The following CDK6 variants were observed in gnomAD, a reference collection of about 807,000 sequenced individuals.
CDK6 encodes cyclin-dependent kinase 6.
A neutral mutation model predicts 37.1 loss-of-function variants in CDK6; 6 were observed. The observed-to-expected ratio is 0.16, with a 90% CI of 0.09 to 0.32. CDK6 has a LOEUF of 0.32. CDK6 is among the 10% of genes least tolerant of loss of function. The pLI, the probability that CDK6 is intolerant of heterozygous loss-of-function variation, is 1.00. For missense variants in CDK6, 224 were observed against 418.9 expected (o/e 0.53, Z 4.06); for synonymous variants, 160 against 161.3 (o/e 0.99, Z 0.06).
chr7:92,619,568 T>G (rs1585340928), intron 6 of CDK6, among the ~76,000 whole-genome samples: 1 of 151,726 alleles, frequency 6.6e-6, no homozygotes, highest in East Asian at 2.0e-4. Context: ...GGAAGAGGTG[T>G]TCTTATGAAT....
rs913195772 is a variant in CDK6 at position 92,610,778 on chromosome 7, A to C, written c.*4362T>G. The C allele has an allele frequency of 4.4e-6, 1 of 227,982 alleles. No homozygotes were observed. Among genetic ancestry groups the C allele is most frequent in the African/African-American group, 2.2e-5 (1 of 45,102 alleles). 14.1% of individuals were successfully genotyped at this position (227,982 alleles called of 1,614,324 possible). A position where few individuals can be genotyped will look rare whatever the true frequency, so the allele number is the denominator to read the frequency against. On this transcript the variant is annotated 3_prime_UTR_variant, in exon 8 of 8. Coordinates refer to ENST00000424848, the MANE Select transcript of CDK6 (RefSeq NM_001145306.2). ...TAAATATCTTCCTAATTATATACCCAAATATACTTAATGGACATGATAAAT... is the reference window on the plus strand; with the variant it reads ...TAAATATCTTCCTAATTATATACCCCAATATACTTAATGGACATGATAAAT...
In CDK6 at chr7:92,742,742, T is replaced by TATAC. The variant is rs138716303; in HGVS notation, c.370-16950_370-16949insGTAT. Reference sequence around the variant, plus strand: ...TGTATAAAATGTATACATATATATATACACACACACACACACACCCCTTTT... The same window carrying TATAC: ...TGTATAAAATGTATACATATATATATATACACACACACACACACACACCCCTTTT... On this transcript the variant is annotated intron_variant, in intron 3 of 7. Transcript: ENST00000424848. Among the ~76,000 whole-genome samples the TATAC allele has an allele frequency of 2.1e-4, 32 of 150,574 alleles. No homozygotes were observed. The South Asian group carries it at 4.2e-3, about 20-fold the overall frequency.
intron 5 of CDK6, among the ~76,000 whole-genome samples, chr7:92,651,183 C>T (rs998124908): frequency 2.0e-5 from 3 of 152,154 alleles, no homozygotes; most frequent in African/African-American, 7.2e-5. Context: ...AGCCACGGTG[C>T]GAGGCTAGTT....
At chr7:92,724,002 AG>A (rs1798449172) in intron 4 of CDK6, among the ~76,000 whole-genome samples, 1 of 152,158 alleles carries the variant, frequency 6.6e-6, no homozygotes, top group Non-Finnish European at 1.5e-5. Flanking sequence ...TTAAAATAAA[AG>A]CGTCCATCTC....
chr7:92,697,913 C>T (rs1220438524), intron 4 of CDK6, among the ~76,000 whole-genome samples: 5 of 152,200 alleles, frequency 3.3e-5, no homozygotes, highest in African/African-American at 1.2e-4. Context: ...TATGCTATCA[C>T]AAATTTTCAT....
At chr7:92,677,105 C>G (rs149791706) in intron 4 of CDK6, among the ~76,000 whole-genome samples, 37 of 152,278 alleles carry the variant, frequency 2.4e-4, no homozygotes, top group Non-Finnish European at 4.0e-4. Flanking sequence ...TTGCTCTAGT[C>G]TGTGTAAATC....
intron 2 of CDK6, among the ~76,000 whole-genome samples, chr7:92,831,688 T>G (rs1801485829): frequency 6.6e-6 from 1 of 152,250 alleles, no homozygotes; most frequent in Admixed American, 6.5e-5. Flanking sequence ...CGAGGTATAA[T>G]GCGGTCTTAA....
At chr7:92,711,552 A>ATTTTTTTTTTTTTTTTTTTTTTTTTTT (rs11285626) in intron 4 of CDK6, among the ~76,000 whole-genome samples, 1 of 56,614 alleles carries the variant, frequency 1.8e-5, no homozygotes, top group African/African-American at 8.2e-5. Context: ...GAATGGTCAA[A>ATTTTTTTTTTTTTTTTTTTTTTTTTTT]TTTTTTTTTT....
At chr7:92,719,043 C>T (rs1025756889) in intron 4 of CDK6, among the ~76,000 whole-genome samples, 2 of 152,130 alleles carry the variant, frequency 1.3e-5, no homozygotes, top group African/African-American at 2.4e-5. Context: ...CACGAGGTTC[C>T]GTTAGTGTTA....
chr7:92,686,081 G>T (rs540920523), intron 4 of CDK6, among the ~76,000 whole-genome samples: 3 of 152,212 alleles, frequency 2.0e-5, no homozygotes, highest in Admixed American at 2.0e-4. Context: ...AATCACAGAA[G>T]TGATCACAGT....
At chr7:92,826,437 C>G (rs999226938) in intron 2 of CDK6, among the ~76,000 whole-genome samples, 3 of 152,038 alleles carry the variant, frequency 2.0e-5, no homozygotes, top group Admixed American at 1.3e-4. Context: ...GAGGTTGGCC[C>G]TGAAGGATAA....
At chr7:92,826,427 G>A (rs1801313411) in intron 2 of CDK6, among the ~76,000 whole-genome samples, 1 of 152,148 alleles carries the variant, frequency 6.6e-6, no homozygotes, top group Non-Finnish European at 1.5e-5. Flanking sequence ...AGTGACATTT[G>A]AGGTTGGCCC....
At chr7:92,628,889 C>T (rs1585348448) in intron 5 of CDK6, among the ~76,000 whole-genome samples, 2 of 152,204 alleles carry the variant, frequency 1.3e-5, no homozygotes, top group Admixed American at 1.3e-4. Context: ...GAACTTTGCC[C>T]TCCAGTGCTT....
At position 92,620,435 on chromosome 7, in the gene CDK6, C is replaced by G. The variant is rs3731368; in HGVS notation, c.699-2228G>C. Among the ~76,000 whole-genome samples the G allele has an allele frequency of 6.4e-3, 973 of 152,264 alleles. 5 individuals carry two copies. Among genetic ancestry groups the G allele is most frequent in the Non-Finnish European group, 9.8e-3 (666 of 68,016 alleles). ...CTGCCAAAGTCACAGATAGCAAGCT[C>G]AGTCACAGAGTCCAGAGTGAGTTCC... On this transcript the variant is annotated intron_variant, in intron 6 of 7. Transcript: ENST00000424848.
At chr7:92,672,194 C>CACACACACACAG (rs1797099712) in intron 4 of CDK6, among the ~76,000 whole-genome samples, 2 of 101,004 alleles carry the variant, frequency 2.0e-5, no homozygotes, top group Non-Finnish European at 4.0e-5. Context: ...GACACATACA[C>CACACACACACAG]ACACACACAC....
At chr7:92,666,253 T>C (rs1796954002) in intron 5 of CDK6, among the ~76,000 whole-genome samples, 1 of 152,254 alleles carries the variant, frequency 6.6e-6, no homozygotes, top group African/African-American at 2.4e-5. Context: ...CACAGTACTC[T>C]ACACTTCTTC....
rs1316962870 is a variant in CDK6, at chr7:92,608,010, A to G, written c.*7130T>C. 1 of 233,316 alleles carries G rather than the reference A, an allele frequency of 4.3e-6. No individual in the cohort carries two copies. The highest frequency in any genetic ancestry group is 8.5e-6 in the Non-Finnish European group (1 of 117,926). 14.5% of individuals were successfully genotyped at this position (233,316 alleles called of 1,614,324 possible). A position where few individuals can be genotyped will look rare whatever the true frequency, so the allele number is the denominator to read the frequency against. On this transcript the variant is annotated 3_prime_UTR_variant, in exon 8 of 8. Transcript: ENST00000424848. ...ACAGAAATATTGCTAGCTGATACAT[A>G]TTATTGCATTTCATAAAACTTAAGA...
At chr7:92,712,979 C>T (rs1798135737) in intron 4 of CDK6, among the ~76,000 whole-genome samples, 1 of 151,978 alleles carries the variant, frequency 6.6e-6, no homozygotes, top group Non-Finnish European at 1.5e-5. Flanking sequence ...TTCTCCTGCC[C>T]CAGCCTGTAG....
intron 3 of CDK6, among the ~76,000 whole-genome samples, chr7:92,772,418 T>C (rs976528289): frequency 6.6e-6 from 1 of 152,016 alleles, no homozygotes; most frequent in Non-Finnish European, 1.5e-5. Context: ...TATCTGACAA[T>C]TTGGATCAAG....
Sources: gnomAD v4.1 joint callset for allele counts (sites outside exome capture counted in the v4.1 genomes callset) on GRCh38, gnomAD v4.1.1 for gene constraint, MANE v1.5 for transcripts, NCBI Gene and HGNC (gene_info 2026-07-23, HGNC 2026-07-21) for gene names.